SEC61A2: variants seen among roughly 807,000 people sequenced by gnomAD.
SEC61A2 encodes SEC61 translocon subunit alpha 2, also known as protein transport protein Sec61 subunit alpha isoform 2.
SEC61A2 carries 28 observed loss-of-function variants against 59.9 expected under a neutral mutation model. That is an observed-to-expected ratio of 0.47 (90% CI 0.35 to 0.64). The LOEUF (loss-of-function observed/expected upper bound fraction) is 0.64, where lower values mean the gene tolerates loss of function less well. Among genes scored for constraint, SEC61A2 ranks in the 30% least tolerant of loss-of-function variants. The pLI is 0.01. For missense variants in SEC61A2, 340 were observed against 585.9 expected (o/e 0.58, Z 4.33); for synonymous variants, 202 against 214.4 (o/e 0.94, Z 0.50).
downstream of SEC61A2, among the ~76,000 whole-genome samples, chr10:12,168,054 T>C (rs1353773158): frequency 2.0e-5 from 3 of 151,142 alleles, no homozygotes; most frequent in Non-Finnish European, 4.4e-5. This position sits in a 1 kb window ranked among gnomAD's most constrained non-coding sequence, Gnocchi z 4.8. Flanking sequence ...TGAGACAGTC[T>C]CGCTCTGTTG....
At chr10:12,138,960 GT>G (rs905876075) in intron 3 of SEC61A2, among the ~76,000 whole-genome samples, 11 of 151,502 alleles carry the variant, frequency 7.3e-5, no homozygotes, top group South Asian at 2.1e-4. Context: ...CATTTTGTTT[GT>G]TTGTTTGTTT....
Position 12,143,979 on chromosome 10 carries a change from G to A in SEC61A2, c.220+784G>A, listed in dbSNP as rs953586204. On this transcript the variant is annotated intron_variant, in intron 4 of 11. Transcript: ENST00000298428. This position sits in a 1 kb window ranked among gnomAD's most constrained non-coding sequence, Gnocchi z 4.8. ...CCTGAGTAGCTGGGACTACTGGTGCGTGCCACAATGCCTGGCTAATTTTTG... is the reference window on the plus strand; with the variant it reads ...CCTGAGTAGCTGGGACTACTGGTGCATGCCACAATGCCTGGCTAATTTTTG... Among the ~76,000 whole-genome samples the A allele has an allele frequency of 2.0e-5, 3 of 152,072 alleles. No homozygotes were observed. The highest frequency in any genetic ancestry group is 3.9e-4 in the East Asian group (2 of 5,188).
At position 12,158,548 on chromosome 10, in the gene SEC61A2, G is replaced by C. The variant is rs569189057; in HGVS notation, c.975+443G>C. 8.8e-4 allele frequency among the ~76,000 whole-genome samples: 134 copies of C among 152,148 alleles called. No individual in the cohort carries two copies. The highest frequency in any genetic ancestry group is 3.1e-3 in the African/African-American group (128 of 41,520). On this transcript the variant is annotated intron_variant, in intron 9 of 11. Coordinates refer to ENST00000298428, the MANE Select transcript of SEC61A2 (RefSeq NM_018144.4). The surrounding 1 kb of genome is among the most constrained non-coding windows in gnomAD (Gnocchi z 5.7). ...GAGTTCGAGACCAGCCTGGCCACATGGTGAAACCCCGTCTCCACTAAAAAT... is the reference window on the plus strand; with the variant it reads ...GAGTTCGAGACCAGCCTGGCCACATCGTGAAACCCCGTCTCCACTAAAAAT...
chr10:12,141,508 T>A (rs1834019683), intron 3 of SEC61A2, among the ~76,000 whole-genome samples: 1 of 152,160 alleles, frequency 6.6e-6, no homozygotes, highest in African/African-American at 2.4e-5. Flanking sequence ...CTTAAGTTGT[T>A]TTTTGTTGTT....
intron 3 of SEC61A2, among the ~76,000 whole-genome samples, chr10:12,138,766 GT>G (rs1833944080): frequency 6.6e-6 from 1 of 152,152 alleles, no homozygotes; most frequent in African/African-American, 2.4e-5. Context: ...TCATTCGCTT[GT>G]TAGACATTTG....
chr10:12,151,876 G>A (rs1300384161), intron 6 of SEC61A2, among the ~76,000 whole-genome samples: 2 of 151,776 alleles, frequency 1.3e-5, no homozygotes, highest in African/African-American at 2.4e-5. Flanking sequence ...GGGTTCAAGC[G>A]ATTCTCCTGC....
In SEC61A2 at chr10:12,143,340, G is replaced by A. The variant is rs1031056158; in HGVS notation, c.220+145G>A. 8 of 680,900 alleles carry A rather than the reference G, an allele frequency of 1.2e-5. No individual in the cohort carries two copies. Among genetic ancestry groups the A allele is most frequent in the South Asian group, 6.7e-5 (4 of 59,732 alleles). 42.2% of individuals were successfully genotyped at this position (680,900 alleles called of 1,614,324 possible). On this transcript the variant is annotated intron_variant, in intron 4 of 11. Transcript: ENST00000298428. This position sits in a 1 kb window ranked among gnomAD's most constrained non-coding sequence, Gnocchi z 4.8. Reference sequence around the variant, plus strand: ...CTAGTATGTAGATAATGACAACACCGTGTGATTAATGTAATCATAGAGAAA... The same window carrying A: ...CTAGTATGTAGATAATGACAACACCATGTGATTAATGTAATCATAGAGAAA...
Position 12,164,127 on chromosome 10 carries a change from C to G in SEC61A2, c.1245-141C>G. 1 of 901,128 alleles carries G rather than the reference C, an allele frequency of 1.1e-6. No individual in the cohort carries two copies. The highest frequency in any genetic ancestry group is 1.7e-6 in the Non-Finnish European group (1 of 605,744). 55.8% of individuals were successfully genotyped at this position (901,128 alleles called of 1,614,324 possible). ...CCCATGCCGTGCCCTGCACACCCCTCCACACTGCAGCCTGTTCCCTCTGGA... is the reference window on the plus strand; with the variant it reads ...CCCATGCCGTGCCCTGCACACCCCTGCACACTGCAGCCTGTTCCCTCTGGA... On this transcript the variant is annotated intron_variant, in intron 11 of 11. Transcript: ENST00000298428. This position sits in a 1 kb window ranked among gnomAD's most constrained non-coding sequence, Gnocchi z 7.3.
rs147455820 is a variant in SEC61A2 at position 12,151,709 on chromosome 10, A to G, written c.462+1748A>G. 2.5e-3 allele frequency among the ~76,000 whole-genome samples: 387 copies of G among 152,274 alleles called. 2 individuals are homozygous for G. The highest frequency in any genetic ancestry group is 3.6e-3 in the Non-Finnish European group (245 of 68,020). On this transcript the variant is annotated intron_variant, in intron 6 of 11. Coordinates refer to ENST00000298428, the MANE Select transcript of SEC61A2 (RefSeq NM_018144.4). ...GTTTATTAATATATACATAGAAGGA[A>G]ATCTGACTGTCTCAGACTGGCATGG...
rs1039166752 is a variant in SEC61A2, at chr10:12,152,332, G to A, written c.462+2371G>A. On this transcript the variant is annotated intron_variant, in intron 6 of 11. Transcript: ENST00000298428. The surrounding 1 kb of genome is among the most constrained non-coding windows in gnomAD (Gnocchi z 5.5). ...TGACCTTAGGTGATCCACCCGCCTC[G>A]GCCTTCCAAAATGCTGGGATTACAG... Among the ~76,000 whole-genome samples the A allele has an allele frequency of 2.6e-5, 4 of 151,282 alleles. No homozygotes were observed. The highest frequency in any genetic ancestry group is 2.1e-4 in the South Asian group (1 of 4,780).
At chr10:12,144,830 C>G (rs1429917247) in intron 4 of SEC61A2, among the ~76,000 whole-genome samples, 1 of 152,086 alleles carries the variant, frequency 6.6e-6, no homozygotes, top group Admixed American at 6.6e-5. Context: ...GCGGGAAGAT[C>G]ACTTGAGGTC....
In SEC61A2 at chr10:12,153,056, C is replaced by T. The variant is rs1274875608; in HGVS notation, c.463-2722C>T. ...CCTGGGCGACAGAGTGAGACTCTGT[C>T]TCAAAAAAAAAAAAAAAGATTAACT... On this transcript the variant is annotated intron_variant, in intron 6 of 11. Coordinates refer to ENST00000298428, the MANE Select transcript of SEC61A2 (RefSeq NM_018144.4). This position sits in a 1 kb window ranked among gnomAD's most constrained non-coding sequence, Gnocchi z 5.2. Among the ~76,000 whole-genome samples the T allele has an allele frequency of 2.5e-5, 3 of 118,154 alleles. No homozygotes were observed. The highest frequency in any genetic ancestry group is 5.5e-5 in the Non-Finnish European group (3 of 54,144). The allele number at this position is 118,154 out of a possible 152,430, so 77.5% of individuals were successfully genotyped here.
chr10:12,169,352 C>T, downstream of SEC61A2: 1 of 1,484,326 alleles, frequency 6.7e-7, no homozygotes, highest in South Asian at 1.2e-5. The surrounding 1 kb of genome is among the most constrained non-coding windows in gnomAD (Gnocchi z 4.8). Context: ...CGGCATTTCA[C>T]ACTTGCCTAC....
At chr10:12,166,721 A>G (rs1321745916), downstream of SEC61A2, 1 of 511,060 alleles carries the variant, frequency 2.0e-6, no homozygotes, top group Non-Finnish European at 4.0e-6. Flanking sequence ...AAGTCCTGGA[A>G]AATCATGGAG....
intron 4 of SEC61A2, among the ~76,000 whole-genome samples, chr10:12,146,571 G>T (rs922517947): frequency 6.6e-6 from 1 of 151,842 alleles, no homozygotes; most frequent in Admixed American, 6.6e-5. Context: ...AGGCTGGAGT[G>T]CAGTGGCGCG....
chr10:12,147,450 C>T (rs1195858545), intron 4 of SEC61A2, among the ~76,000 whole-genome samples: 5 of 151,992 alleles, frequency 3.3e-5, no homozygotes, highest in African/African-American at 4.8e-5. Context: ...TTTGGGAGGC[C>T]GAGGAGGGCA....
chr10:12,157,662 C>A (rs963221239), intron 8 of SEC61A2, among the ~76,000 whole-genome samples: 1 of 152,038 alleles, frequency 6.6e-6, no homozygotes, highest in African/African-American at 2.4e-5. Context: ...ATCACCACAC[C>A]CAGCTAATTT....
Position 12,144,894 on chromosome 10 carries a change from A to G in SEC61A2, c.220+1699A>G, listed in dbSNP as rs1834103295. Among the ~76,000 whole-genome samples, 5 of 152,196 alleles carry G rather than the reference A, an allele frequency of 3.3e-5. No individual in the cohort carries two copies. In the South Asian group the frequency reaches 8.3e-4, roughly 25 times the overall value. On this transcript the variant is annotated intron_variant, in intron 4 of 11. Transcript: ENST00000298428. ...GTGAGACCCCATCTCTACTAAAATC[A>G]CAAAAATTAGCCAGGTGTGGTCGTG...
rs1834218425 is a variant in SEC61A2 at position 12,149,112 on chromosome 10, T to TG, written c.221-481dup. On this transcript the variant is annotated intron_variant, in intron 4 of 11. Transcript: ENST00000298428. The surrounding 1 kb of genome is among the most constrained non-coding windows in gnomAD (Gnocchi z 5.2). ...CTTTTTTTTTGGTTTGTTTTTGAGA[T>TG]GGAGTCTCACTCTGTTGCCCGGGCT... is the stretch of plus-strand genomic sequence containing the variant. Among the ~76,000 whole-genome samples, 1 of 152,080 alleles carries TG rather than the reference T, an allele frequency of 6.6e-6. No individual in the cohort carries two copies. The highest frequency in any genetic ancestry group is 1.5e-5 in the Non-Finnish European group (1 of 68,000).
Sources: allele counts gnomAD v4.1 joint callset (sites outside exome capture counted in the v4.1 genomes callset), GRCh38; gene constraint gnomAD v4.1.1; non-coding constraint Gnocchi (gnomAD v3.1); transcripts MANE v1.5; gene names NCBI Gene and HGNC (gene_info 2026-07-23, HGNC 2026-07-21).